The following PELI2 variants were observed in gnomAD, a reference collection of about 807,000 sequenced individuals.
The protein encoded by PELI2 is pellino E3 ubiquitin protein ligase family member 2, also known as E3 ubiquitin-protein ligase pellino homolog 2.
A neutral mutation model predicts 42.3 loss-of-function variants in PELI2; 23 were observed. That is an observed-to-expected ratio of 0.54 (90% CI 0.39 to 0.77). PELI2 has a LOEUF of 0.77. Ranked by LOEUF, PELI2 falls within the 30% of genes least tolerant of loss-of-function variation. The pLI is 0.00. For missense variants in PELI2, 463 were observed against 553.2 expected (o/e 0.84, Z 1.64); for synonymous variants, 245 against 212.2 (o/e 1.15, Z -1.34).
intron 1 of PELI2, among the ~76,000 whole-genome samples, chr14:56,132,783 C>A (rs944019259): frequency 6.6e-6 from 1 of 152,152 alleles, no homozygotes; most frequent in Non-Finnish European, 1.5e-5. Context: ...CCATAAATCA[C>A]GCCCTCTTTG....
intron 2 of PELI2, among the ~76,000 whole-genome samples, chr14:56,223,075 G>T (rs1887208215): frequency 6.6e-6 from 1 of 152,122 alleles, no homozygotes; most frequent in Admixed American, 6.5e-5. Context: ...AGGCAGTTTG[G>T]TCCTCCCAGT....
chr14:56,178,267 C>A (rs1055367437), intron 1 of PELI2, 68 bp from the exon 2 acceptor site: 2 of 1,533,820 alleles, frequency 1.3e-6, no homozygotes, highest in Admixed American at 1.7e-5. Context: ...TTATTCAATA[C>A]CTCTAACTTT....
chr14:56,250,840 A>T (rs1459310156), intron 2 of PELI2, among the ~76,000 whole-genome samples: 1 of 152,206 alleles, frequency 6.6e-6, no homozygotes, highest in Admixed American at 6.5e-5. Context: ...AGTCAAGTTC[A>T]CACTCAGTAT....
chr14:56,140,113 C>T (rs565546434), intron 1 of PELI2, among the ~76,000 whole-genome samples: 5 of 151,940 alleles, frequency 3.3e-5, no homozygotes, highest in Non-Finnish European at 5.9e-5. Context: ...CTAAATCACC[C>T]GTCATGCCTC....
chr14:56,222,436 A>T (rs138966631), intron 2 of PELI2, among the ~76,000 whole-genome samples: 1 of 152,250 alleles, frequency 6.6e-6, no homozygotes, highest in Non-Finnish European at 1.5e-5. Flanking sequence ...AGGTAAGAAC[A>T]TTAACATCTA....
In PELI2 at chr14:56,265,508, G is replaced by A. The variant is rs535313859; in HGVS notation, c.208-14168G>A. Among the ~76,000 whole-genome samples, 110 of 152,102 alleles carry A rather than the reference G, an allele frequency of 7.2e-4. 1 individual carries two copies. The South Asian group carries it at 0.021, about 28-fold the overall frequency. ...AAAACTAAATATAAAACTTCTAAGA[G>A]AAAACATAGAAGAAAAATCTTTGCA... is the stretch of plus-strand genomic sequence containing the variant. On this transcript the variant is annotated intron_variant, in intron 2 of 5. Transcript: ENST00000267460.
chr14:56,250,993 C>A (rs911536330), intron 2 of PELI2, among the ~76,000 whole-genome samples: 7 of 152,232 alleles, frequency 4.6e-5, no homozygotes, highest in African/African-American at 1.7e-4. Flanking sequence ...CTCAGCCTGA[C>A]CCCCTGGGGA....
intron 2 of PELI2, among the ~76,000 whole-genome samples, chr14:56,261,441 G>A (rs1378765109): frequency 6.6e-6 from 1 of 152,064 alleles, no homozygotes; most frequent in African/African-American, 2.4e-5. Context: ...GGATTTGATG[G>A]GTGACTGAAC....
chr14:56,155,686 A>G lies in PELI2; in HGVS notation c.78-22649A>G, dbSNP rs376389588. Among the ~76,000 whole-genome samples the G allele has an allele frequency of 4.7e-5, 7 of 148,702 alleles. No individual in the cohort carries two copies. The East Asian group carries it at 9.9e-4, about 21-fold the overall frequency. ...AACCTCCGCCTCCCGGGTTCGCCCC[A>G]TTCTCCTGCCTCAGCTTCCTGAGTA... On this transcript the variant is annotated intron_variant, in intron 1 of 5. Transcript: ENST00000267460.
chr14:56,188,006 A>C (rs1885828479), intron 2 of PELI2, among the ~76,000 whole-genome samples: 1 of 152,160 alleles, frequency 6.6e-6, no homozygotes, highest in Admixed American at 6.5e-5. Context: ...CTGGTGTACT[A>C]GCCCTCAATA....
intron 1 of PELI2, among the ~76,000 whole-genome samples, chr14:56,164,832 C>A (rs1164373546): frequency 6.6e-6 from 1 of 151,976 alleles, no homozygotes; most frequent in Non-Finnish European, 1.5e-5. Flanking sequence ...TATAGTTGCT[C>A]ATGATAGCCA....
At chr14:56,151,815 A>G (rs1226833773) in intron 1 of PELI2, among the ~76,000 whole-genome samples, 1 of 152,264 alleles carries the variant, frequency 6.6e-6, no homozygotes, top group Non-Finnish European at 1.5e-5. Context: ...TTAAGAAGAC[A>G]AAGTTCTGGG....
At chr14:56,267,334 G>A (rs151071955) in intron 2 of PELI2, among the ~76,000 whole-genome samples, 7 of 152,116 alleles carry the variant, frequency 4.6e-5, no homozygotes, top group African/African-American at 1.4e-4. Context: ...CAAGGTAGTT[G>A]TACTTTTCAG....
chr14:56,175,350 C>CT (rs1178692471), intron 1 of PELI2, among the ~76,000 whole-genome samples: 1 of 152,210 alleles, frequency 6.6e-6, no homozygotes, highest in Non-Finnish European at 1.5e-5. Flanking sequence ...CTAATGCGTC[C>CT]TGCCATGTGC....
intron 2 of PELI2, among the ~76,000 whole-genome samples, chr14:56,198,078 G>A (rs983007022): frequency 2.9e-4 from 44 of 151,838 alleles, no homozygotes; most frequent in African/African-American, 9.2e-4. Context: ...GGGAGTAGAA[G>A]TACAGAGAAG....
chr14:56,118,954 C>T (rs1439944599), intron 1 of PELI2, among the ~76,000 whole-genome samples: 1 of 150,168 alleles, frequency 6.7e-6, no homozygotes, highest in Non-Finnish European at 1.5e-5. Context: ...CTGCGCTGTC[C>T]GCGCGGAGGA....
rs138856314 is a variant in PELI2 at position 56,288,135 on chromosome 14, C to T, written c.310-302C>T. ...TAAGTTCTAGAGAGTTGCTGTGCAC[C>T]GTTCTGCCTGTAGTCAACAATGACT... On this transcript the variant is annotated intron_variant, in intron 3 of 5. Coordinates refer to ENST00000267460, the MANE Select transcript of PELI2 (RefSeq NM_021255.3). The surrounding 1 kb of genome is among the most constrained non-coding windows in gnomAD (Gnocchi z 4.6). 2.8e-3 allele frequency among the ~76,000 whole-genome samples: 422 copies of T among 152,230 alleles called. No homozygotes were observed. The highest frequency in any genetic ancestry group is 9.8e-3 in the African/African-American group (408 of 41,524).
Position 56,255,108 on chromosome 14 carries a change from C to T in PELI2, c.208-24568C>T, listed in dbSNP as rs558522398. Among the ~76,000 whole-genome samples the T allele has an allele frequency of 1.1e-4, 17 of 152,254 alleles. No homozygotes were observed. The South Asian group carries it at 3.5e-3, about 32-fold the overall frequency. ...CCTCAAGGATCTAGAATCAGAAATA[C>T]CATTTGACCCAGCAATCCCATTATT... is the stretch of plus-strand genomic sequence containing the variant. On this transcript the variant is annotated intron_variant, in intron 2 of 5. Transcript: ENST00000267460.
rs997645047 is a variant in PELI2, at chr14:56,298,149, T to C, written c.*983T>C. ...AGAAAGCCAACCAATCACAATGATA[T>C]AGTCATTGTTGTGCACTCCCTTTTC... On this transcript the variant is annotated 3_prime_UTR_variant, in exon 6 of 6. Transcript: ENST00000267460. 3.9e-5 allele frequency: 6 copies of C among 152,578 alleles called. No individual in the cohort carries two copies. Among genetic ancestry groups the C allele is most frequent in the African/African-American group, 1.2e-4 (5 of 41,516 alleles). The allele number at this position is 152,578 out of a possible 1,614,324, so 9.5% of individuals were successfully genotyped here. A position where few individuals can be genotyped will look rare whatever the true frequency, so the allele number is the denominator to read the frequency against.
Sources: gnomAD v4.1 joint callset for allele counts (sites outside exome capture counted in the v4.1 genomes callset) on GRCh38, gnomAD v4.1.1 for gene constraint, Gnocchi (gnomAD v3.1) non-coding constraint, MANE v1.5 for transcripts, NCBI Gene and HGNC (gene_info 2026-07-23, HGNC 2026-07-21) for gene names.